KIAA1549L: variants seen among roughly 807,000 people sequenced by gnomAD.
KIAA1549L encodes the protein KIAA1549 like.
In KIAA1549L, 88 loss-of-function variants were observed where a neutral mutation model predicts 160.7. That is an observed-to-expected ratio of 0.55 (90% confidence interval 0.46 to 0.65). KIAA1549L has a LOEUF of 0.65. Ranked by LOEUF, KIAA1549L falls within the 30% of genes least tolerant of loss-of-function variation. The pLI is 0.00. For missense variants in KIAA1549L, 2,258 were observed against 2,437.5 expected (o/e 0.93, Z 1.55); for synonymous variants, 950 against 976.7 (o/e 0.97, Z 0.51).
chr11:33,574,674 A>G (rs374632128), intron 9 of KIAA1549L, 28 bp from the exon 10 acceptor site: 4 of 1,595,834 alleles, frequency 2.5e-6, no homozygotes, highest in Admixed American at 1.7e-5. Flanking sequence ...AATGCCCTGC[A>G]AACACTCGGC....
chr11:33,509,737 G>A (rs546000942), intron 1 of KIAA1549L, among the ~76,000 whole-genome samples: 3 of 152,228 alleles, frequency 2.0e-5, no homozygotes, highest in South Asian at 4.2e-4. Flanking sequence ...TACACCTGCC[G>A]CTGCTGGAAT....
intron 1 of KIAA1549L, among the ~76,000 whole-genome samples, chr11:33,408,012 T>C (rs942028207): frequency 1.1e-4 from 16 of 152,152 alleles, no homozygotes; most frequent in Admixed American, 2.6e-4. Context: ...TGTTTTTTTT[T>C]CCCACCTTGT....
intron 8 of KIAA1549L, among the ~76,000 whole-genome samples, chr11:33,565,427 C>G (rs560074351): frequency 1.4e-3 from 216 of 152,286 alleles, no homozygotes; most frequent in African/African-American, 5.1e-3. Context: ...ATTATCCTTT[C>G]TTAACAGTGA....
At chr11:33,639,686 C>T (rs935697555) in intron 16 of KIAA1549L, among the ~76,000 whole-genome samples, 4 of 152,092 alleles carry the variant, frequency 2.6e-5, no homozygotes, top group Admixed American at 6.5e-5. Context: ...ATCACAGGCG[C>T]GCGCTACCTC....
Position 33,403,863 on chromosome 11 carries a change from T to A in KIAA1549L, c.238+26974T>A, listed in dbSNP as rs545694330. Among the ~76,000 whole-genome samples the A allele has an allele frequency of 2.0e-5, 3 of 152,360 alleles. No homozygotes were observed. The South Asian group carries it at 6.2e-4, about 32-fold the overall frequency. The stretch of plus-strand genomic sequence containing the variant: ...AGAGAGCTATAAATCCTTGAAATTA[T>A]ATGTTTAAATCTAGTGTATACCATA... On this transcript the variant is annotated intron_variant, in intron 1 of 20. Coordinates refer to ENST00000658780, the MANE Select transcript of KIAA1549L (RefSeq NM_012194.3).
intron 1 of KIAA1549L, among the ~76,000 whole-genome samples, chr11:33,526,388 A>C (rs1853612056): frequency 1.3e-5 from 2 of 152,294 alleles, no homozygotes; most frequent in South Asian, 4.1e-4. Context: ...ACACTAAATG[A>C]AACTACAACC....
chr11:33,662,190 A>G (rs538629573), intron 20 of KIAA1549L, among the ~76,000 whole-genome samples: 9 of 152,086 alleles, frequency 5.9e-5, no homozygotes, highest in Admixed American at 3.3e-4. Flanking sequence ...TCTCCAAACT[A>G]CTATAATTTT....
intron 10 of KIAA1549L, among the ~76,000 whole-genome samples, chr11:33,578,275 C>G (rs1009333297): frequency 2.0e-5 from 3 of 152,064 alleles, no homozygotes; most frequent in Non-Finnish European, 4.4e-5. Flanking sequence ...GGGATGGCCC[C>G]GGAGGCTCAG....
At chr11:33,522,229 T>C (rs1459592805) in intron 1 of KIAA1549L, among the ~76,000 whole-genome samples, 1 of 152,242 alleles carries the variant, frequency 6.6e-6, no homozygotes, top group Non-Finnish European at 1.5e-5. Context: ...AGTTTAATCA[T>C]TCATTCCTAA....
Position 33,544,753 on chromosome 11 carries a change from TTC to T in KIAA1549L, c.2774-8_2774-7del. On this transcript the variant is annotated splice_polypyrimidine_tract_variant and intron_variant, in intron 2 of 20. Transcript: ENST00000658780. ...CCAAGCCAATGACAAACTTTGTTTT[TTC>T]TCTCTTTACAGCGGACACAGTATCA... 2 of 1,562,184 alleles carry T rather than the reference TTC, an allele frequency of 1.3e-6. No homozygotes were observed. Among genetic ancestry groups the T allele is most frequent in the Non-Finnish European group, 1.7e-6 (2 of 1,153,580 alleles).
chr11:33,489,621 T>C (rs1009121884), intron 1 of KIAA1549L, among the ~76,000 whole-genome samples: 2 of 152,182 alleles, frequency 1.3e-5, no homozygotes, highest in African/African-American at 4.8e-5. Context: ...GCCATCTTCA[T>C]CCCATGGTTT....
At chr11:33,619,166 C>G (rs1448290787) in intron 16 of KIAA1549L, among the ~76,000 whole-genome samples, 1 of 152,172 alleles carries the variant, frequency 6.6e-6, no homozygotes, top group Non-Finnish European at 1.5e-5. Flanking sequence ...CGTGACCAAG[C>G]TGCAGAAATT....
chr11:33,649,361 A>G (rs1258304948), intron 17 of KIAA1549L, among the ~76,000 whole-genome samples: 1 of 151,184 alleles, frequency 6.6e-6, no homozygotes, highest in South Asian at 2.1e-4. Flanking sequence ...AAAAAAAAAA[A>G]AAAATTGGCT....
chr11:33,529,193 G>A (rs1024568170), intron 1 of KIAA1549L, among the ~76,000 whole-genome samples: 13 of 151,996 alleles, frequency 8.6e-5, no homozygotes, highest in African/African-American at 3.1e-4. Flanking sequence ...AAAATGAGAC[G>A]AGTGTGGCGG....
At chr11:33,515,021 A>G (rs1316804479) in intron 1 of KIAA1549L, among the ~76,000 whole-genome samples, 1 of 152,222 alleles carries the variant, frequency 6.6e-6, no homozygotes, top group Non-Finnish European at 1.5e-5. Context: ...AGAGGCCACC[A>G]TTCTCATCTC....
intron 1 of KIAA1549L, among the ~76,000 whole-genome samples, chr11:33,432,529 C>G (rs1296692474): frequency 6.6e-6 from 1 of 151,948 alleles, no homozygotes; most frequent in Non-Finnish European, 1.5e-5. Context: ...TAATTTTGTC[C>G]TCTGTAAAGC....
Position 33,542,763 on chromosome 11 carries a change from G to A in KIAA1549L, c.1200G>A (p.Gly400=). ...KAGVPGRVHN[G]VSLPTFKNTE... is the part of the protein sequence containing the mutation. ...GGGTGCCTGGAAGAGTGCACAATGGGGTGTCTTTGCCAACTTTTAAGAATA... is the reference window on the plus strand; with the variant it reads ...GGGTGCCTGGAAGAGTGCACAATGGAGTGTCTTTGCCAACTTTTAAGAATA... Residue 400 remains glycine, a synonymous_variant, in exon 2 of 21, where the codon GGG becomes GGA. Coordinates refer to ENST00000658780, the MANE Select transcript of KIAA1549L (RefSeq NM_012194.3). The A allele has an allele frequency of 5.6e-6, 9 of 1,613,862 alleles. No individual in the cohort carries two copies. The highest frequency in any genetic ancestry group is 5.3e-5 in the African/African-American group (4 of 75,038).
chr11:33,643,446 C>T (rs570421757), intron 16 of KIAA1549L, among the ~76,000 whole-genome samples: 1 of 152,224 alleles, frequency 6.6e-6, no homozygotes, highest in Admixed American at 6.5e-5. Flanking sequence ...GATAATAGAT[C>T]TACCAATATG....
chr11:33,610,450 G>A (rs2143813), intron 15 of KIAA1549L, among the ~76,000 whole-genome samples: 108,221 of 152,142 alleles, frequency 0.71, 39,368 homozygotes, highest in African/African-American at 0.88. Context: ...TCATTTATTC[G>A]ACATATATTG....
Sources: allele counts gnomAD v4.1 joint callset (sites outside exome capture counted in the v4.1 genomes callset), GRCh38; gene constraint gnomAD v4.1.1; transcripts MANE v1.5; gene names NCBI Gene and HGNC (gene_info 2026-07-23, HGNC 2026-07-21).